Variants in TRAT1 observed in about 807,000 individuals in gnomAD.
TRAT1 encodes the protein T-cell receptor-associated transmembrane adapter 1.
TRAT1 carries 20 observed loss-of-function variants against 20.0 expected under a neutral mutation model. The observed-to-expected ratio is 1.00, with a 90% CI of 0.70 to 1.45. The LOEUF (loss-of-function observed/expected upper bound fraction) is 1.45. Among genes scored for constraint, TRAT1 ranks in the 40% most tolerant of loss-of-function variants. The pLI, the probability that TRAT1 is intolerant of heterozygous loss-of-function variation, is 0.00. For synonymous variants in TRAT1, 77 were observed against 74.2 expected (o/e 1.04, Z -0.20); for missense variants, 237 against 224.1 (o/e 1.06, Z -0.37).
chr3:108,824,028 C>T (rs190043022), intron 1 of TRAT1, among the ~76,000 whole-genome samples: 3 of 152,076 alleles, frequency 2.0e-5, no homozygotes, highest in African/African-American at 4.8e-5. Flanking sequence ...CGTGCCACCA[C>T]GCCTGGCTAA....
intron 5 of TRAT1, among the ~76,000 whole-genome samples, chr3:108,851,170 A>T (rs1945994943): frequency 6.6e-6 from 1 of 152,238 alleles, no homozygotes; most frequent in Non-Finnish European, 1.5e-5. Context: ...TCAACCACAA[A>T]AGCATAAGGA....
intron 2 of TRAT1, among the ~76,000 whole-genome samples, chr3:108,836,161 G>GC (rs1297256980): frequency 6.6e-6 from 1 of 152,036 alleles, no homozygotes; most frequent in Admixed American, 6.6e-5. Context: ...CTCGTGATCT[G>GC]CCCACCTTGG....
At chr3:108,824,806 T>C (rs896211720) in intron 1 of TRAT1, among the ~76,000 whole-genome samples, 4 of 152,224 alleles carry the variant, frequency 2.6e-5, no homozygotes, top group Admixed American at 2.0e-4. Flanking sequence ...AACATAGCAT[T>C]ACTAAGTATA....
At chr3:108,846,464 C>T (rs939359576) in intron 3 of TRAT1, among the ~76,000 whole-genome samples, 3 of 152,168 alleles carry the variant, frequency 2.0e-5, no homozygotes, top group Non-Finnish European at 2.9e-5. Flanking sequence ...GTATGTAAAA[C>T]ACCTAACTCA....
chr3:108,842,869 T>C (rs1945907410), intron 3 of TRAT1, among the ~76,000 whole-genome samples: 1 of 152,244 alleles, frequency 6.6e-6, no homozygotes, highest in Non-Finnish European at 1.5e-5. Flanking sequence ...ACGTGAACAC[T>C]AATCAACAGA....
At chr3:108,850,306 CT>C (rs35451422) in intron 5 of TRAT1, among the ~76,000 whole-genome samples, 88 of 144,668 alleles carry the variant, frequency 6.1e-4, no homozygotes, top group Non-Finnish European at 7.1e-4. Context: ...AACTTTTAAA[CT>C]TTTTTTTTTT....
intron 3 of TRAT1, 40 bp downstream of exon 3, chr3:108,839,007 A>G: frequency 5.4e-6 from 8 of 1,488,694 alleles, no homozygotes; most frequent in South Asian, 1.1e-5. Flanking sequence ...TTCCCAACTA[A>G]TAAGCAAAAG....
At chr3:108,824,457 A>T (rs1192924674) in intron 1 of TRAT1, among the ~76,000 whole-genome samples, 1 of 152,142 alleles carries the variant, frequency 6.6e-6, no homozygotes, top group Non-Finnish European at 1.5e-5. Context: ...CATTACTTTG[A>T]TTATAATGAG....
intron 5 of TRAT1, among the ~76,000 whole-genome samples, chr3:108,850,123 T>C (rs72949571): frequency 2.0e-5 from 3 of 152,102 alleles, no homozygotes; most frequent in African/African-American, 7.2e-5. Flanking sequence ...TTACAAATGC[T>C]CACAAAGGAT....
intron 1 of TRAT1, among the ~76,000 whole-genome samples, chr3:108,823,903 CTCTT>C (rs1361484444): frequency 2.6e-5 from 4 of 151,914 alleles, no homozygotes; most frequent in African/African-American, 9.7e-5. Flanking sequence ...GACAGAGTCT[CTCTT>C]TGTTGCCAGG....
At chr3:108,853,491 C>A in intron 5 of TRAT1, 129 bp from the exon 6 acceptor site, 2 of 1,093,876 alleles carry the variant, frequency 1.8e-6, no homozygotes, top group African/African-American at 1.6e-5. Flanking sequence ...TTTGTACTGA[C>A]AAATTTGGCA....
chr3:108,822,986 T>C (rs1945706228), intron 1 of TRAT1, 52 bp downstream of exon 1: 1 of 1,556,066 alleles, frequency 6.4e-7, no homozygotes, highest in Non-Finnish European at 8.9e-7. Context: ...AAAATTCACT[T>C]AATTTCTAAG....
At chr3:108,824,017 G>A (rs944667812) in intron 1 of TRAT1, among the ~76,000 whole-genome samples, 3 of 151,936 alleles carry the variant, frequency 2.0e-5, no homozygotes, top group South Asian at 2.1e-4. Flanking sequence ...GACTACAGGC[G>A]CGTGCCACCA....
intron 2 of TRAT1, among the ~76,000 whole-genome samples, chr3:108,831,226 AGAC>A (rs1359798477): frequency 6.6e-6 from 1 of 152,234 alleles, no homozygotes; most frequent in African/African-American, 2.4e-5. Flanking sequence ...CGGGGTCAGA[AGAC>A]GACTGGAAAA....
In TRAT1 at chr3:108,853,953, C is replaced by G; in HGVS notation, c.*76C>G. The stretch of plus-strand genomic sequence containing the variant: ...AAGAAAACAAGATGCACAGAGGACA[C>G]AGAAGGACTTGGCAGCAGGGTGATG... On this transcript the variant is annotated 3_prime_UTR_variant, in exon 6 of 6. Transcript: ENST00000295756. 7.0e-7 allele frequency: 1 copy of G among 1,435,660 alleles called. No homozygotes were observed. The highest frequency in any genetic ancestry group is 1.3e-5 in the South Asian group (1 of 79,730). The allele number at this position is 1,435,660 out of a possible 1,614,324, so 88.9% of individuals were successfully genotyped here.
At chr3:108,845,580 G>T (rs1036338523) in intron 3 of TRAT1, among the ~76,000 whole-genome samples, 1 of 152,152 alleles carries the variant, frequency 6.6e-6, no homozygotes, top group African/African-American at 2.4e-5. Context: ...GGCTTTTCAA[G>T]CCATTTCATA....
At chr3:108,852,754 A>C (rs1169509625) in intron 5 of TRAT1, among the ~76,000 whole-genome samples, 1 of 152,244 alleles carries the variant, frequency 6.6e-6, no homozygotes, top group Non-Finnish European at 1.5e-5. Context: ...CCATAACAAC[A>C]CTATGATGAT....
rs763842148 is a variant in TRAT1 at position 108,830,724 on chromosome 3, C to T, written c.62C>T (p.Ala21Val). Residue 21 changes from alanine (A) to valine (V), a missense_variant, in exon 2 of 6, where the codon GCT becomes GTT. By Grantham distance (64) the Ala-to-Val change is moderately conservative. Coordinates refer to ENST00000295756, the MANE Select transcript of TRAT1 (RefSeq NM_016388.4). ...GGACTTCTAGCATTGTTGGGCTTGG[C>T]TTTGGTTATATCACTGATCTTCAAT... ...LWGLLALLGL[A>V]LVISLIFNIS... 5 of 1,613,792 alleles carry T rather than the reference C, an allele frequency of 3.1e-6. No individual in the cohort carries two copies. Among genetic ancestry groups the T allele is most frequent in the Non-Finnish European group, 4.2e-6 (5 of 1,179,868 alleles).
At chr3:108,839,647 GAA>G (rs930849424) in intron 3 of TRAT1, among the ~76,000 whole-genome samples, 6 of 73,138 alleles carry the variant, frequency 8.2e-5, no homozygotes, top group African/African-American at 1.5e-4. Context: ...TCTGTCTCAA[GAA>G]AAAAAAAAAA....
Sources: allele counts gnomAD v4.1 joint callset (sites outside exome capture counted in the v4.1 genomes callset), GRCh38; gene constraint gnomAD v4.1.1; transcripts MANE v1.5; gene names NCBI Gene and HGNC (gene_info 2026-07-23, HGNC 2026-07-21).